MEMO1: variants seen among roughly 807,000 people sequenced by gnomAD.
MEMO1 encodes protein MEMO1.
Under a neutral mutation model 45.2 loss-of-function variants are expected in MEMO1, and 6 were observed. The ratio of observed to expected loss-of-function variants is 0.13; its 90% CI spans 0.07 to 0.26. The LOEUF is 0.26. Ranked by LOEUF, MEMO1 falls within the 10% of genes least tolerant of loss-of-function variation. The probability of loss-of-function intolerance (pLI) is 1.00; values close to 1 mark genes in which losing one functional copy is unlikely to be tolerated. For missense variants in MEMO1, 184 were observed against 370.5 expected (o/e 0.50, Z 4.13); for synonymous variants, 78 against 124.3 (o/e 0.63, Z 2.48).
At chr2:31,899,796 C>T (rs1440147802) in intron 6 of MEMO1, among the ~76,000 whole-genome samples, 1 of 151,966 alleles carries the variant, frequency 6.6e-6, no homozygotes, top group Non-Finnish European at 1.5e-5. Context: ...TGACAAAGGG[C>T]TAATATCTAG....
At chr2:31,875,314 T>C (rs986478329) in intron 8 of MEMO1, among the ~76,000 whole-genome samples, 42 of 152,356 alleles carry the variant, frequency 2.8e-4, no homozygotes, top group African/African-American at 9.6e-4. Context: ...CAACCTGGGC[T>C]AAGTGGTTCT....
chr2:31,982,090 A>C (rs1025397779), intron 2 of MEMO1, among the ~76,000 whole-genome samples: 1 of 151,884 alleles, frequency 6.6e-6, no homozygotes, highest in South Asian at 2.1e-4. Flanking sequence ...TGAGGTCAGG[A>C]GATTGAGACC....
intron 6 of MEMO1, among the ~76,000 whole-genome samples, chr2:31,913,531 T>C (rs1263646359): frequency 1.3e-5 from 2 of 150,962 alleles, no homozygotes; most frequent in African/African-American, 2.5e-5. Flanking sequence ...TTTTTTTTTT[T>C]TATTTTTTGA....
chr2:31,974,407 T>C (rs1669761319), intron 2 of MEMO1, among the ~76,000 whole-genome samples: 1 of 152,180 alleles, frequency 6.6e-6, no homozygotes, highest in Non-Finnish European at 1.5e-5. Context: ...ATATTTAAGG[T>C]GTTATATACT....
At chr2:32,001,944 A>G (rs1331967714) in intron 2 of MEMO1, among the ~76,000 whole-genome samples, 2 of 151,796 alleles carry the variant, frequency 1.3e-5, no homozygotes, top group Admixed American at 6.6e-5. Context: ...TCAGGAGATC[A>G]AGACCATCCT....
chr2:31,939,728 A>G (rs528717165), intron 3 of MEMO1, among the ~76,000 whole-genome samples: 1 of 152,210 alleles, frequency 6.6e-6, no homozygotes, highest in Non-Finnish European at 1.5e-5. Context: ...CCCTGCATCA[A>G]TTTTTCTTCC....
chr2:31,975,692 TA>T (rs1669927204), intron 2 of MEMO1, among the ~76,000 whole-genome samples: 1 of 152,160 alleles, frequency 6.6e-6, no homozygotes, highest in Non-Finnish European at 1.5e-5. Flanking sequence ...GATGTCCAAA[TA>T]AGCATTAGTG....
chr2:31,920,128 G>A (rs538293224), intron 5 of MEMO1, among the ~76,000 whole-genome samples: 2 of 151,504 alleles, frequency 1.3e-5, no homozygotes, highest in South Asian at 2.1e-4. Flanking sequence ...ATTTCTTATA[G>A]TACTCTTTAT....
At chr2:31,954,941 T>C (rs1262562433) in intron 2 of MEMO1, among the ~76,000 whole-genome samples, 6 of 151,876 alleles carry the variant, frequency 4.0e-5, no homozygotes, top group Admixed American at 1.3e-4. Context: ...GGAAACTCCA[T>C]TGCACGTTAA....
intron 5 of MEMO1, among the ~76,000 whole-genome samples, chr2:31,919,222 C>T (rs897918216): frequency 2.6e-5 from 4 of 151,924 alleles, no homozygotes; most frequent in Non-Finnish European, 5.9e-5. Flanking sequence ...GATTTCAGCT[C>T]ACTGAAACCT....
At chr2:31,977,517 T>G (rs1212482290) in intron 2 of MEMO1, among the ~76,000 whole-genome samples, 2 of 152,124 alleles carry the variant, frequency 1.3e-5, no homozygotes, top group Admixed American at 6.6e-5. Flanking sequence ...CTTATTTAAT[T>G]TATTTATTTA....
intron 2 of MEMO1, among the ~76,000 whole-genome samples, chr2:31,965,896 G>A (rs549618952): frequency 2.0e-5 from 3 of 152,188 alleles, no homozygotes; most frequent in South Asian, 4.2e-4. Context: ...GGGTTGACAG[G>A]TGCAGCAAAC....
rs143831021 is a variant in MEMO1 at position 31,998,616 on chromosome 2, T to C, written c.61+11571A>G. Among the ~76,000 whole-genome samples, 1,476 of 152,118 alleles carry C rather than the reference T, an allele frequency of 9.7e-3. 25 individuals carry two copies. The highest frequency in any genetic ancestry group is 0.048 in the South Asian group (231 of 4,824). Reference sequence around the variant, plus strand: ...GAGTTCGAGACCAACCTGGCCAACATAGAGAAACCCCATCTCTACCAAAAA... The same window carrying C: ...GAGTTCGAGACCAACCTGGCCAACACAGAGAAACCCCATCTCTACCAAAAA... On this transcript the variant is annotated intron_variant, in intron 2 of 9. Coordinates refer to ENST00000404530, the MANE Select transcript of MEMO1 (RefSeq NM_001301833.4).
chr2:31,898,200 C>T (rs189209797), intron 6 of MEMO1, among the ~76,000 whole-genome samples: 2,128 of 149,598 alleles, frequency 0.014, 50 homozygotes, highest in African/African-American at 0.04. Context: ...AAGGGTTTTT[C>T]GTGTCTCTAT....
At chr2:31,927,885 C>T (rs1683345000) in intron 4 of MEMO1, among the ~76,000 whole-genome samples, 1 of 152,054 alleles carries the variant, frequency 6.6e-6, no homozygotes, top group Non-Finnish European at 1.5e-5. Flanking sequence ...CACTGTATTT[C>T]ACTTTCAGCT....
intron 6 of MEMO1, among the ~76,000 whole-genome samples, chr2:31,912,924 G>A (rs531589509): frequency 1.2e-4 from 18 of 152,206 alleles, no homozygotes; most frequent in African/African-American, 4.3e-4. Context: ...GTCATTTTAT[G>A]TTTTCTCCTT....
intron 2 of MEMO1, among the ~76,000 whole-genome samples, chr2:31,966,732 C>CAAAAAAAAAAAAAAAAAAAAAAAAAA: frequency 8.5e-6 from 1 of 117,854 alleles, no homozygotes; most frequent in South Asian, 2.7e-4. Flanking sequence ...GACTCTGTCT[C>CAAAAAAAAAAAAAAAAAAAAAAAAAA]AAAAAAAAAA....
intron 2 of MEMO1, among the ~76,000 whole-genome samples, chr2:32,004,892 A>G (rs1326754484): frequency 5.3e-5 from 8 of 150,336 alleles, no homozygotes; most frequent in African/African-American, 2.0e-4. Context: ...GCACCACTGC[A>G]CTCCAGCCTG....
intron 8 of MEMO1, among the ~76,000 whole-genome samples, chr2:31,872,868 A>C (rs1673994797): frequency 6.6e-6 from 1 of 152,188 alleles, no homozygotes; most frequent in Admixed American, 6.5e-5. Context: ...AACCTCTCTA[A>C]TTGAAAAATT....
Sources: gnomAD v4.1 joint callset for allele counts (sites outside exome capture counted in the v4.1 genomes callset) on GRCh38, gnomAD v4.1.1 for gene constraint, MANE v1.5 for transcripts, NCBI Gene and HGNC (gene_info 2026-07-23, HGNC 2026-07-21) for gene names.